Variants in ITIH6 observed in about 807,000 individuals in gnomAD.
The protein encoded by ITIH6 is inter-alpha-trypsin inhibitor heavy chain family member 6, also known as inter-alpha-trypsin inhibitor heavy chain H6.
ITIH6 carries 60 observed loss-of-function variants against 58.2 expected under a neutral mutation model. The observed-to-expected ratio is 1.03, with a 90% CI of 0.84 to 1.28. The LOEUF (loss-of-function observed/expected upper bound fraction) is 1.28, where lower values mean the gene tolerates loss of function less well. Among genes scored for constraint, ITIH6 ranks in the 50% most tolerant of loss-of-function variants. The pLI, the probability that ITIH6 is intolerant of heterozygous loss-of-function variation, is 0.00. For missense variants in ITIH6, 1,290 were observed against 1,021.1 expected (o/e 1.26, Z -3.59); for synonymous variants, 493 against 417.4 (o/e 1.18, Z -2.21).
At chrX:54,768,949 T>C (rs1928871840) in intron 6 of ITIH6, among the ~76,000 whole-genome samples, 1 of 109,624 alleles carries the variant, frequency 9.1e-6, no homozygotes, top group South Asian at 3.8e-4. Flanking sequence ...GGGGAAGTTC[T>C]CCTGGATAAT....
intron 6 of ITIH6, among the ~76,000 whole-genome samples, chrX:54,768,488 G>A (rs1417356105): frequency 2.3e-4 from 21 of 91,616 alleles, no homozygotes; most frequent in Non-Finnish European, 3.8e-4. Context: ...TCCTAGTCTC[G>A]ATGGTCTTTA....
intron 8 of ITIH6, among the ~76,000 whole-genome samples, chrX:54,756,447 T>C (rs993867826): frequency 4.5e-5 from 5 of 112,236 alleles, no homozygotes; most frequent in African/African-American, 1.6e-4. Context: ...AAGTACAGTA[T>C]GTAGAGCAGT....
intron 5 of ITIH6, among the ~76,000 whole-genome samples, chrX:54,776,166 GC>G (rs1755253870): frequency 3.7e-5 from 4 of 109,177 alleles, no homozygotes; most frequent in African/African-American, 1.3e-4. Context: ...CCTCAGTGTT[GC>G]CCTCTTAGAG....
intron 9 of ITIH6, among the ~76,000 whole-genome samples, chrX:54,754,506 G>C (rs183157231): frequency 1.3e-4 from 15 of 112,178 alleles, no homozygotes; most frequent in African/African-American, 4.2e-4. Flanking sequence ...AGAGGAGTCA[G>C]AGAAATTTAA....
At chrX:54,795,658 T>A (rs778521736) in intron 2 of ITIH6, among the ~76,000 whole-genome samples, 7 of 111,792 alleles carry the variant, frequency 6.3e-5, no homozygotes, top group Non-Finnish European at 1.1e-4. Context: ...TTTTCCTGGA[T>A]TCCTCCAGTC....
intron 6 of ITIH6, among the ~76,000 whole-genome samples, chrX:54,769,136 C>T (rs59244572): frequency 1.1e-5 from 1 of 91,197 alleles, no homozygotes; most frequent in African/African-American, 4.4e-5. Flanking sequence ...ATTTCATCTT[C>T]CATTGCTGAT....
intron 12 of ITIH6, among the ~76,000 whole-genome samples, chrX:54,750,307 G>T (rs187348210): frequency 3.9e-3 from 440 of 111,429 alleles, no homozygotes; most frequent in African/African-American, 0.014. Context: ...GAAGTAGGGA[G>T]CCAAAGTACA....
chrX:54,770,285 C>G (rs751825605), intron 6 of ITIH6, among the ~76,000 whole-genome samples: 2 of 112,545 alleles, frequency 1.8e-5, no homozygotes, highest in Admixed American at 1.9e-4. Context: ...GTCTGGCACT[C>G]CCTAGTGAGA....
At chrX:54,773,820 T>C (rs1351831514) in intron 6 of ITIH6, among the ~76,000 whole-genome samples, 2 of 110,938 alleles carry the variant, frequency 1.8e-5, no homozygotes, top group African/African-American at 3.3e-5. Context: ...GAGGGTCCTA[T>C]ATGACCCTGG....
rs1928504575 is a variant in ITIH6, at chrX:54,757,094, G to A, written c.2980C>T (p.Pro994Ser). ...LPILLPSSILPEAISLLLLPE... is the reference protein window; with the variant it reads ...LPILLPSSILSEAISLLLLPE... Reference sequence around the variant, plus strand: ...AGAAGGAGCAGACTGATGGCCTCAGGGAGGATGCTAGAAGGCAGCAAGATT... The same window carrying A: ...AGAAGGAGCAGACTGATGGCCTCAGAGAGGATGCTAGAAGGCAGCAAGATT... Residue 994 changes from proline (P) to serine (S), a missense_variant, in exon 8 of 13, where the codon CCT becomes TCT. Coordinates refer to ENST00000218436, the MANE Select transcript of ITIH6 (RefSeq NM_198510.3). The A allele has an allele frequency of 2.5e-6, 3 of 1,209,713 alleles. No individual in the cohort carries two copies. Among genetic ancestry groups the A allele is most frequent in the African/African-American group, 1.7e-5 (1 of 57,156 alleles).
At position 54,757,756 on chromosome X, in the gene ITIH6, G is replaced by A. The variant is rs766545596; in HGVS notation, c.2318C>T (p.Ala773Val). ...VKPGIPASPK[A>V]DTVKCVTPLH... ...TGGAGTAACACATTTCACAGTGTCA[G>A]CTTTGGGCGAGGCTGGGATGCCAGG... Residue 773 changes from alanine to valine, a missense_variant, in exon 8 of 13, where the codon GCT (alanine) becomes GTT (valine). Physicochemically the swap from Ala to Val is moderately conservative, Grantham distance 64 (BLOSUM62 0). Coordinates refer to ENST00000218436, the MANE Select transcript of ITIH6 (RefSeq NM_198510.3). The A allele has an allele frequency of 1.2e-5, 14 of 1,211,802 alleles. No individual in the cohort carries two copies. The highest frequency in any genetic ancestry group is 1.5e-5 in the Non-Finnish European group (13 of 895,504).
At chrX:54,790,232 G>A (rs1929317721) in intron 4 of ITIH6, among the ~76,000 whole-genome samples, 1 of 106,889 alleles carries the variant, frequency 9.4e-6, no homozygotes, top group African/African-American at 3.4e-5. Context: ...TGATGACACA[G>A]CTTCCTGGGC....
chrX:54,794,107 T>G (rs1012974208), intron 2 of ITIH6, among the ~76,000 whole-genome samples: 2 of 110,083 alleles, frequency 1.8e-5, no homozygotes, highest in African/African-American at 6.6e-5. Flanking sequence ...AGGGAAGAAG[T>G]GTTTCTAGGC....
chrX:54,758,506 C>G lies in ITIH6; in HGVS notation c.1568G>C (p.Arg523Pro), dbSNP rs774197472. 1 of 1,208,790 alleles carries G rather than the reference C, an allele frequency of 8.3e-7. No homozygotes were observed. The highest frequency in any genetic ancestry group is 1.1e-6 in the Non-Finnish European group (1 of 894,674). The change falls in exon 8 of 13, where the codon CGT (arginine) becomes CCT (proline). Residue 523 changes from arginine to proline, a missense_variant. Coordinates refer to ENST00000218436, the MANE Select transcript of ITIH6 (RefSeq NM_198510.3). ...CACAAGAAGCTGATCCTTGGGGCCA[C>G]GGGCTGCCAGGTGGATGCCCAGTTC... ...KQELGIHLAA[R>P]GPKDQLLVAH...
chrX:54,759,227 T>C (rs971955874), intron 7 of ITIH6, among the ~76,000 whole-genome samples: 10 of 111,145 alleles, frequency 9.0e-5, no homozygotes, highest in African/African-American at 3.3e-4. Flanking sequence ...ACACTGTTCT[T>C]TGTCTGTTTC....
chrX:54,757,940 C>T lies in ITIH6; in HGVS notation c.2134G>A (p.Asp712Asn). The stretch of plus-strand genomic sequence containing the variant: ...GTTGGCTGGGCCAAGGTGCCAGAAT[C>T]CTGTTGTGCTGGAATTTTGGCCTTT... The part of the protein sequence containing the change: ...YPKAKIPAQQ[D>N]SGTLAQPTLR... Residue 712 changes from aspartate to asparagine, a missense_variant, in exon 8 of 13, where the codon GAT (aspartate) becomes AAT (asparagine). Coordinates refer to ENST00000218436, the MANE Select transcript of ITIH6 (RefSeq NM_198510.3). The T allele has an allele frequency of 8.3e-7, 1 of 1,211,585 alleles. No individual in the cohort carries two copies. Among genetic ancestry groups the T allele is most frequent in the South Asian group, 1.8e-5 (1 of 56,961 alleles).
In ITIH6 at chrX:54,788,356, T is replaced by C. The variant is rs1033602312; in HGVS notation, c.786+124A>G. The C allele has an allele frequency of 1.1e-5, 6 of 567,319 alleles. No homozygotes were observed. The African/African-American group carries it at 1.4e-4, about 13-fold the overall frequency. The allele number at this position is 567,319 out of a possible 1,213,427, so 46.8% of individuals were successfully genotyped here. A position where few individuals can be genotyped will look rare whatever the true frequency, so the allele number is the denominator to read the frequency against. ...AGCCGTGTGTCTTTTCACGTCAGCCTATCCTTGTTCCCTAGCCCTTGCTTA... is the reference window on the plus strand; with the variant it reads ...AGCCGTGTGTCTTTTCACGTCAGCCCATCCTTGTTCCCTAGCCCTTGCTTA... On this transcript the variant is annotated intron_variant, in intron 5 of 12. Transcript: ENST00000218436.
At chrX:54,763,582 C>T (rs915695297) in intron 6 of ITIH6, among the ~76,000 whole-genome samples, 4 of 112,286 alleles carry the variant, frequency 3.6e-5, no homozygotes, top group Admixed American at 9.5e-5. Context: ...TATGGTCCAT[C>T]TTGGTAAATG....
intron 6 of ITIH6, among the ~76,000 whole-genome samples, chrX:54,761,549 T>C (rs1274279813): frequency 1.8e-5 from 2 of 111,642 alleles, no homozygotes; most frequent in East Asian, 5.6e-4. Flanking sequence ...TAGGTTTTCT[T>C]CTAGGGTTTT....
Sources: gnomAD v4.1 joint callset for allele counts (sites outside exome capture counted in the v4.1 genomes callset) on GRCh38, gnomAD v4.1.1 for gene constraint, MANE v1.5 for transcripts, NCBI Gene and HGNC (gene_info 2026-07-23, HGNC 2026-07-21) for gene names.